The following ERC1 variants were observed in gnomAD, a reference collection of about 807,000 sequenced individuals.
ERC1 encodes RAB6 interacting protein 2.
In ERC1, 56 loss-of-function variants were observed where a neutral mutation model predicts 132.0. The ratio of observed to expected loss-of-function variants is 0.42; its 90% CI spans 0.34 to 0.53. The LOEUF (loss-of-function observed/expected upper bound fraction) is 0.53. Ranked by LOEUF, ERC1 falls within the 20% of genes least tolerant of loss-of-function variation. ERC1 has a pLI of 0.03. For synonymous variants in ERC1, 478 were observed against 476.1 expected, an observed-to-expected ratio of 1.00 and a Z score of -0.05; for missense variants, 1,202 against 1,349.9, an observed-to-expected ratio of 0.89 and a Z score of 1.72.
intron 13 of ERC1, among the ~76,000 whole-genome samples, chr12:1,240,450 A>C (rs1238654408): frequency 6.6e-6 from 1 of 152,240 alleles, no homozygotes; most frequent in Non-Finnish European, 1.5e-5. Flanking sequence ...GTCTTAAGAC[A>C]GATAAGACTT....
intron 17 of ERC1, among the ~76,000 whole-genome samples, chr12:1,411,977 T>G (rs1255768970): frequency 6.6e-6 from 1 of 152,208 alleles, no homozygotes; most frequent in Non-Finnish European, 1.5e-5. Flanking sequence ...TAACTTAGCT[T>G]TTTCCAATTA....
At chr12:1,197,902 AT>A (rs754046849) in intron 12 of ERC1, among the ~76,000 whole-genome samples, 1 of 148,932 alleles carries the variant, frequency 6.7e-6, no homozygotes. Context: ...ACTTTGGACT[AT>A]TTTTTTTGTT....
At chr12:1,139,736 C>T (rs113815860) in intron 7 of ERC1, among the ~76,000 whole-genome samples, 1,618 of 148,524 alleles carry the variant, frequency 0.011, 18 homozygotes, top group South Asian at 0.033. Flanking sequence ...TGATATGAGA[C>T]TGAAATCATT....
intron 11 of ERC1, among the ~76,000 whole-genome samples, chr12:1,185,233 G>T (rs1383266301): frequency 6.6e-6 from 1 of 151,952 alleles, no homozygotes. Context: ...AAATAGAGGG[G>T]TCTTGCCATG....
At chr12:1,196,199 G>C (rs901878132) in intron 12 of ERC1, among the ~76,000 whole-genome samples, 3 of 152,114 alleles carry the variant, frequency 2.0e-5, no homozygotes, top group Non-Finnish European at 2.9e-5. Flanking sequence ...TCAGGTGTCA[G>C]TCCTACTTTT....
chr12:1,007,510 GGGTAATTCTCTCTCTCTCTC>G (rs1238436687), intron 1 of ERC1, among the ~76,000 whole-genome samples: 5 of 128,474 alleles, frequency 3.9e-5, no homozygotes, highest in South Asian at 5.1e-4. Flanking sequence ...CTCTCTCACT[GGGTAATTCTCTCTCTCTCTC>G]TCTCTCTCTC....
chr12:1,116,274 G>A (rs955554653), intron 7 of ERC1: 13 of 350,026 alleles, frequency 3.7e-5, no homozygotes, highest in African/African-American at 2.3e-4. Context: ...TGCCAAGTCT[G>A]TACTTCAAAG....
At chr12:1,475,687 A>C (rs1200472868) in intron 18 of ERC1, among the ~76,000 whole-genome samples, 1 of 152,226 alleles carries the variant, frequency 6.6e-6, no homozygotes, top group African/African-American at 2.4e-5. Flanking sequence ...TAGGAAGGAA[A>C]TCATTTAAGA....
chr12:1,167,716 TC>T (rs1158028651), intron 8 of ERC1, among the ~76,000 whole-genome samples: 5 of 151,118 alleles, frequency 3.3e-5, no homozygotes, highest in African/African-American at 1.2e-4. Context: ...TTTTTTCTTT[TC>T]TTTTTTTTTT....
At chr12:1,162,654 A>T (rs1055519289) in intron 8 of ERC1, among the ~76,000 whole-genome samples, 5 of 151,916 alleles carry the variant, frequency 3.3e-5, no homozygotes, top group Non-Finnish European at 1.5e-5. Context: ...CGGACAGGAG[A>T]GTAAGGTTGT....
intron 2 of ERC1, among the ~76,000 whole-genome samples, chr12:1,072,130 G>C (rs1940503532): frequency 6.6e-6 from 1 of 151,336 alleles, no homozygotes; most frequent in East Asian, 1.9e-4. Context: ...TGTAAAGTCA[G>C]CTGAAGTGAT....
At chr12:1,306,228 A>G (rs1011593326) in intron 15 of ERC1, among the ~76,000 whole-genome samples, 1 of 152,206 alleles carries the variant, frequency 6.6e-6, no homozygotes, top group African/African-American at 2.4e-5. Flanking sequence ...TCTAAGCTCT[A>G]GGAGCAGACT....
intron 8 of ERC1, among the ~76,000 whole-genome samples, chr12:1,176,252 C>T (rs769718561): frequency 1.3e-5 from 2 of 152,126 alleles, no homozygotes; most frequent in Non-Finnish European, 2.9e-5. Context: ...TCTCCTTGTA[C>T]CTCTCTATCA....
Position 1,180,524 on chromosome 12 carries a change from A to G in ERC1, c.1738-16A>G. Reference sequence around the variant, plus strand: ...ACATGTCCTCTCTTTTCCCTTAAATATTTATGTACATTTAGATTGAAAATC... The same window carrying G: ...ACATGTCCTCTCTTTTCCCTTAAATGTTTATGTACATTTAGATTGAAAATC... On this transcript the variant is annotated splice_polypyrimidine_tract_variant and intron_variant, in intron 8 of 18. Transcript: ENST00000360905. 6.2e-7 allele frequency: 1 copy of G among 1,611,248 alleles called. No individual in the cohort carries two copies. The highest frequency in any genetic ancestry group is 8.5e-7 in the Non-Finnish European group (1 of 1,178,110).
chr12:1,483,986 G>A (rs1037463464), intron 18 of ERC1, among the ~76,000 whole-genome samples: 4 of 151,622 alleles, frequency 2.6e-5, no homozygotes, highest in Admixed American at 6.6e-5. Context: ...GAGCCGCTGC[G>A]CCCAGCTTCA....
In ERC1 at chr12:1,259,972, C is replaced by G. The variant is rs547159281; in HGVS notation, c.2488-3062C>G. ...TCTTGGAAACATTCATTTCCTTTCT[C>G]TGCTGTAGTGTGTAGTTAGTCTCTA... On this transcript the variant is annotated intron_variant, in intron 13 of 18. Coordinates refer to ENST00000360905, the MANE Select transcript of ERC1 (RefSeq NM_178040.4). 2.0e-5 allele frequency among the ~76,000 whole-genome samples: 3 copies of G among 152,308 alleles called. No homozygotes were observed. In the South Asian group the frequency reaches 6.2e-4, roughly 32 times the overall value.
intron 1 of ERC1, among the ~76,000 whole-genome samples, chr12:1,026,264 TACC>T (rs1966878297): frequency 6.6e-6 from 1 of 152,280 alleles, no homozygotes; most frequent in African/African-American, 2.4e-5. Flanking sequence ...ACGCACTCAC[TACC>T]ACCAGAACAG....
chr12:1,222,765 CTAACTATATG>C (rs1347763417), intron 12 of ERC1, among the ~76,000 whole-genome samples: 1 of 152,052 alleles, frequency 6.6e-6, no homozygotes, highest in East Asian at 1.9e-4. Flanking sequence ...ACGTATAACA[CTAACTATATG>C]TAACTTCCTT....
chr12:1,453,883 C>T (rs1344402203), intron 18 of ERC1, among the ~76,000 whole-genome samples: 1 of 152,062 alleles, frequency 6.6e-6, no homozygotes, highest in African/African-American at 2.4e-5. Flanking sequence ...CATTTGGTCT[C>T]GGTCCCTAGT....
Sources: allele counts gnomAD v4.1 joint callset (sites outside exome capture counted in the v4.1 genomes callset), GRCh38; gene constraint gnomAD v4.1.1; transcripts MANE v1.5; gene names NCBI Gene and HGNC (gene_info 2026-07-23, HGNC 2026-07-21).